Variants in WLS observed in about 807,000 individuals in gnomAD.
WLS encodes the protein protein wntless homolog.
WLS carries 23 observed loss-of-function variants against 62.8 expected under a neutral mutation model. The ratio of observed to expected loss-of-function variants is 0.37; its 90% CI spans 0.26 to 0.52. WLS has a LOEUF of 0.52. Among genes scored for constraint, WLS ranks in the 20% least tolerant of loss-of-function variants. The pLI is 0.92. For missense variants in WLS, 615 were observed against 697.3 expected (o/e 0.88, Z 1.33); for synonymous variants, 246 against 244.1 (o/e 1.01, Z -0.07).
chr1:68,099,959 T>C (rs559406521), intron 11 of WLS, among the ~76,000 whole-genome samples: 2 of 152,318 alleles, frequency 1.3e-5, no homozygotes, highest in Admixed American at 6.5e-5. Context: ...ATTAGATAAA[T>C]TGGTGCACAT....
chr1:68,228,842 CAAAAAAAAAAAAAAA>C (rs66626696), intron 1 of WLS, among the ~76,000 whole-genome samples: 7 of 58,020 alleles, frequency 1.2e-4, no homozygotes, highest in Admixed American at 3.5e-4. Context: ...ACACTGGTGC[CAAAAAAAAAAAAAAA>C]AAAAAAAAAA....
chr1:68,175,920 A>C (rs1276748334), intron 2 of WLS, among the ~76,000 whole-genome samples: 1 of 152,254 alleles, frequency 6.6e-6, no homozygotes, highest in Non-Finnish European at 1.5e-5. Context: ...AAACGCTTGC[A>C]GGAAAAGCCA....
At chr1:68,137,019 G>GAA (rs887222028) in intron 11 of WLS, among the ~76,000 whole-genome samples, 1 of 152,222 alleles carries the variant, frequency 6.6e-6, no homozygotes, top group African/African-American at 2.4e-5. Flanking sequence ...GAACCAAACA[G>GAA]AAAAAGCATC....
chr1:68,206,706 C>T (rs1382571681), intron 1 of WLS, among the ~76,000 whole-genome samples: 1 of 152,150 alleles, frequency 6.6e-6, no homozygotes, highest in Non-Finnish European at 1.5e-5. Context: ...AATGGATATG[C>T]ATTAATCAGG....
chr1:68,230,502 G>A (rs1284290720), intron 1 of WLS, among the ~76,000 whole-genome samples: 2 of 151,878 alleles, frequency 1.3e-5, no homozygotes, highest in Non-Finnish European at 2.9e-5. Context: ...TAAGAGCCTC[G>A]AAAAATCCAA....
chr1:68,166,887 A>G (rs951558101), intron 2 of WLS, among the ~76,000 whole-genome samples: 14 of 152,220 alleles, frequency 9.2e-5, no homozygotes, highest in Non-Finnish European at 1.5e-5. Context: ...TACCAGACTC[A>G]GGACCCTAGA....
intron 3 of WLS, among the ~76,000 whole-genome samples, chr1:68,156,835 T>C (rs1406286994): frequency 1.3e-5 from 2 of 152,136 alleles, no homozygotes; most frequent in African/African-American, 4.8e-5. Context: ...CAGGTACTAC[T>C]AAAAGTTCAC....
chr1:68,104,623 AT>A (rs1646121096), intron 11 of WLS, among the ~76,000 whole-genome samples: 1 of 152,108 alleles, frequency 6.6e-6, no homozygotes, highest in African/African-American at 2.4e-5. Context: ...AAAATTCAGG[AT>A]TGCAGCCTGG....
chr1:68,107,363 G>A (rs1466672836), intron 11 of WLS, among the ~76,000 whole-genome samples: 2 of 151,968 alleles, frequency 1.3e-5, no homozygotes, highest in African/African-American at 2.4e-5. Flanking sequence ...TTGTCAGAGA[G>A]CAAAAGGATG....
downstream of WLS, chr1:68,125,264 T>G (rs1444542003): frequency 2.5e-5 from 23 of 931,588 alleles, no homozygotes; most frequent in Non-Finnish European, 2.9e-5. Context: ...ACACTTTGAT[T>G]TGATGATAAA....
chr1:68,112,499 C>T (rs1233644088), intron 11 of WLS, among the ~76,000 whole-genome samples: 2 of 152,158 alleles, frequency 1.3e-5, no homozygotes, highest in Non-Finnish European at 2.9e-5. Flanking sequence ...TTTCTACTCA[C>T]TGCACCCCAG....
intron 1 of WLS, chr1:68,231,805 G>C (rs1469768294): frequency 1.0e-5 from 5 of 486,112 alleles, no homozygotes; most frequent in African/African-American, 2.0e-5. Context: ...TTGCCCTCCC[G>C]GAGCTGATTG....
chr1:68,115,889 T>A (rs557081038), intron 11 of WLS, among the ~76,000 whole-genome samples: 1 of 152,238 alleles, frequency 6.6e-6, no homozygotes, highest in South Asian at 2.1e-4. Context: ...TGCTGCTCTA[T>A]TCCACTAGTC....
At chr1:68,116,005 G>A (rs1557450215) in intron 11 of WLS, among the ~76,000 whole-genome samples, 1 of 152,196 alleles carries the variant, frequency 6.6e-6, no homozygotes, top group Non-Finnish European at 1.5e-5. Context: ...GCTCTCCCCT[G>A]CAGCTGTCCT....
At chr1:68,229,787 A>C (rs968312743) in intron 1 of WLS, among the ~76,000 whole-genome samples, 5 of 152,202 alleles carry the variant, frequency 3.3e-5, no homozygotes, top group African/African-American at 1.2e-4. Context: ...ATCTGATCTG[A>C]ATTGGAGACA....
In WLS at chr1:68,159,149, G is replaced by A; in HGVS notation, c.478C>T (p.Leu160Phe). The A allele has an allele frequency of 6.2e-7, 1 of 1,614,134 alleles. No individual in the cohort carries two copies. The highest frequency in any genetic ancestry group is 8.5e-7 in the Non-Finnish European group (1 of 1,180,018). The change falls in exon 3 of 12, where the codon CTC becomes TTC. Residue 160 changes from leucine to phenylalanine, a missense_variant. Leu to Phe is a conservative substitution (Grantham distance 22, BLOSUM62 0). Coordinates refer to ENST00000262348, the MANE Select transcript of WLS (RefSeq NM_024911.7). ...EMAHERVPRK[L>F]KCTFTSPKTP... The stretch of plus-strand genomic sequence containing the variant: ...TTGGGAGATGTGAAGGTGCATTTGA[G>A]TTTCCGTGGTACTCTTTCATGGGCC...
chr1:68,099,220 T>A (rs948540242), intron 11 of WLS, among the ~76,000 whole-genome samples: 5 of 152,176 alleles, frequency 3.3e-5, no homozygotes, highest in African/African-American at 1.2e-4. Flanking sequence ...TTTTTATATG[T>A]CTTATCATCT....
At chr1:68,166,175 G>A (rs996091053) in intron 2 of WLS, among the ~76,000 whole-genome samples, 22 of 152,130 alleles carry the variant, frequency 1.4e-4, no homozygotes. Flanking sequence ...TCCATGAAGT[G>A]GACAGAATAT....
chr1:68,129,927 G>T (rs2100393448), intron 11 of WLS, among the ~76,000 whole-genome samples: 1 of 152,328 alleles, frequency 6.6e-6, no homozygotes, highest in South Asian at 2.1e-4. Context: ...CCCTGGTTAT[G>T]ATGTCAAATT....
Sources: allele counts gnomAD v4.1 joint callset (sites outside exome capture counted in the v4.1 genomes callset), GRCh38; gene constraint gnomAD v4.1.1; transcripts MANE v1.5; gene names NCBI Gene and HGNC (gene_info 2026-07-23, HGNC 2026-07-21).